RPTOR: variants seen among roughly 807,000 people sequenced by gnomAD.
RPTOR encodes regulatory-associated protein of mTOR.
A neutral mutation model predicts 169.9 loss-of-function variants in RPTOR; 21 were observed. The observed-to-expected ratio is 0.12, with a 90% CI of 0.09 to 0.18. The LOEUF is 0.18. Among genes scored for constraint, RPTOR ranks in the 10% least tolerant of loss-of-function variants. RPTOR has a pLI of 1.00. For missense variants in RPTOR, 1,133 were observed against 1,855.9 expected (o/e 0.61, Z 7.16); for synonymous variants, 732 against 753.2 (o/e 0.97, Z 0.46).
Position 80,730,764 on chromosome 17 carries a change from T to TGG in RPTOR, c.654+61_654+62dup. The stretch of plus-strand genomic sequence containing the variant: ...GGTTTGGTTTTGTTTTCCCTGGGGG[T>TGG]GGGGTTTGGGTGGGGAGGTTGGGAG... On this transcript the variant is annotated intron_variant, in intron 5 of 33. Transcript: ENST00000306801. This position sits in a 1 kb window ranked among gnomAD's most constrained non-coding sequence, Gnocchi z 4.2. The TGG allele has an allele frequency of 4.4e-6, 2 of 453,310 alleles. No homozygotes were observed. Among genetic ancestry groups the TGG allele is most frequent in the African/African-American group, 2.6e-5 (1 of 37,842 alleles). The allele number at this position is 453,310 out of a possible 1,614,324, so 28.1% of individuals were successfully genotyped here.
intron 1 of RPTOR, among the ~76,000 whole-genome samples, chr17:80,568,729 C>T (rs1424154766): frequency 6.6e-6 from 1 of 152,202 alleles, no homozygotes; most frequent in Non-Finnish European, 1.5e-5. Flanking sequence ...GATATTGTCC[C>T]ACTGAGGATC....
intron 11 of RPTOR, among the ~76,000 whole-genome samples, chr17:80,853,815 A>G (rs2672894): frequency 0.55 from 83,626 of 151,980 alleles, 25,048 homozygotes; most frequent in Non-Finnish European, 0.67. Context: ...CGTCTCTACT[A>G]AAAATACAAA....
chr17:80,962,060 C>T (rs1395631172), intron 31 of RPTOR, among the ~76,000 whole-genome samples: 5 of 152,186 alleles, frequency 3.3e-5, no homozygotes, highest in African/African-American at 1.2e-4. Context: ...CCAGGCCATC[C>T]CTCTCTCGGG....
intron 6 of RPTOR, among the ~76,000 whole-genome samples, chr17:80,768,792 C>T (rs1326632031): frequency 6.6e-6 from 1 of 152,170 alleles, no homozygotes; most frequent in Non-Finnish European, 1.5e-5. Flanking sequence ...ATTTTAGTGG[C>T]AGTTTGGCTT....
intron 13 of RPTOR, among the ~76,000 whole-genome samples, chr17:80,874,299 C>A (rs1262517186): frequency 6.6e-6 from 1 of 151,778 alleles, no homozygotes; most frequent in Non-Finnish European, 1.5e-5. Context: ...CGGGTTCAAG[C>A]GATTTTCCTG....
In RPTOR at chr17:80,633,074, C is replaced by T. The variant is rs1008150165; in HGVS notation, c.265+7281C>T. 2.6e-5 allele frequency among the ~76,000 whole-genome samples: 4 copies of T among 152,024 alleles called. No individual in the cohort carries two copies. The highest frequency in any genetic ancestry group is 2.9e-5 in the Non-Finnish European group (2 of 68,006). On this transcript the variant is annotated intron_variant, in intron 2 of 33. Transcript: ENST00000306801. This position sits in a 1 kb window ranked among gnomAD's most constrained non-coding sequence, Gnocchi z 4.1. ...CGGCCTCTTAAAGTGTTGAAATGAC[C>T]GGCATGAGCTACCACACTAGGCCCA... is the stretch of plus-strand genomic sequence containing the variant.
chr17:80,753,884 T>C, intron 5 of RPTOR, 126 bp from the exon 6 acceptor site: 1 of 893,108 alleles, frequency 1.1e-6, no homozygotes, highest in Admixed American at 2.1e-5. Flanking sequence ...TCCAGAGGAC[T>C]TTCCAGTGAA....
At chr17:80,778,275 C>A (rs1358872654) in intron 6 of RPTOR, among the ~76,000 whole-genome samples, 39 of 152,112 alleles carry the variant, frequency 2.6e-4, no homozygotes, top group Admixed American at 2.6e-3. Context: ...AGAAAATTAA[C>A]CTCCTTCAGG....
rs182500090 is a variant in RPTOR, at chr17:80,833,514, G to A, written c.1137-4408G>A. Among the ~76,000 whole-genome samples the A allele has an allele frequency of 2.1e-3, 322 of 152,316 alleles. 3 individuals carry two copies. Among genetic ancestry groups the A allele is most frequent in the African/African-American group, 7.4e-3 (307 of 41,566 alleles). Reference sequence around the variant, plus strand: ...GCCAAACCTCACAGGGCTGGCTGCTGCCGCCGAAGCCCACCACCATGGCCT... The same window carrying A: ...GCCAAACCTCACAGGGCTGGCTGCTACCGCCGAAGCCCACCACCATGGCCT... On this transcript the variant is annotated intron_variant, in intron 9 of 33. Transcript: ENST00000306801.
rs1336399688 is a variant in RPTOR at position 80,651,988 on chromosome 17, G to A, written c.348+8178G>A. ...ACGCCACTGCACTCCAGCCTGGGGC[G>A]ACAGCGTGAGACTCCGTCTCAAAAA... On this transcript the variant is annotated intron_variant, in intron 3 of 33. Transcript: ENST00000306801. The surrounding 1 kb of genome is among the most constrained non-coding windows in gnomAD (Gnocchi z 4.1). Among the ~76,000 whole-genome samples the A allele has an allele frequency of 1.4e-5, 2 of 145,594 alleles. No individual in the cohort carries two copies. Among genetic ancestry groups the A allele is most frequent in the East Asian group, 2.0e-4 (1 of 4,992 alleles).
intron 9 of RPTOR, among the ~76,000 whole-genome samples, chr17:80,824,993 C>CA (rs1406642527): frequency 5.7e-5 from 8 of 140,944 alleles, no homozygotes; most frequent in East Asian, 2.2e-4. Context: ...CGTGGCGAGG[C>CA]CAGCGTGGGG....
At chr17:80,604,776 G>T (rs983455636) in intron 1 of RPTOR, among the ~76,000 whole-genome samples, 1 of 152,146 alleles carries the variant, frequency 6.6e-6, no homozygotes, top group African/African-American at 2.4e-5. Context: ...ATCAGATCTT[G>T]TGAGACTTAT....
chr17:80,913,556 G>A (rs539065546), intron 21 of RPTOR, among the ~76,000 whole-genome samples: 67 of 152,152 alleles, frequency 4.4e-4, no homozygotes, highest in Admixed American at 1.9e-3. Flanking sequence ...GGGCTCAAGC[G>A]ATCCTCCCAC....
At chr17:80,624,945 C>T (rs2065381641) in intron 1 of RPTOR, among the ~76,000 whole-genome samples, 1 of 152,122 alleles carries the variant, frequency 6.6e-6, no homozygotes, top group African/African-American at 2.4e-5. Flanking sequence ...GCTGGCTCCA[C>T]CCCGATGGGG....
intron 24 of RPTOR, among the ~76,000 whole-genome samples, chr17:80,930,135 CCTCAGCTCATCCCCAG>C (rs1467610575): frequency 3.4e-5 from 4 of 116,798 alleles, no homozygotes; most frequent in South Asian, 2.8e-4. Context: ...CCCAGCTGCT[CCTCAGCTCATCCCCAG>C]CTCAGCTCAT....
intron 21 of RPTOR, among the ~76,000 whole-genome samples, chr17:80,918,739 C>G (rs1022704356): frequency 1.3e-5 from 2 of 152,168 alleles, no homozygotes; most frequent in African/African-American, 4.8e-5. Flanking sequence ...CTCCCACCCC[C>G]TAGGGCTGTG....
At chr17:80,656,028 G>GTGTT (rs1314376942) in intron 3 of RPTOR, among the ~76,000 whole-genome samples, 1 of 152,124 alleles carries the variant, frequency 6.6e-6, no homozygotes, top group Admixed American at 6.5e-5. Context: ...GTGTCTTGCT[G>GTGTT]TGTTGACTGA....
intron 15 of RPTOR, 74 bp downstream of exon 15, chr17:80,883,558 G>T: frequency 6.8e-7 from 1 of 1,480,408 alleles, no homozygotes; most frequent in East Asian, 2.3e-5. Context: ...ACTGTGAAAC[G>T]TGGTGCCACA....
At chr17:80,647,236 A>G (rs2065603152) in intron 3 of RPTOR, among the ~76,000 whole-genome samples, 1 of 152,198 alleles carries the variant, frequency 6.6e-6, no homozygotes, top group African/African-American at 2.4e-5. Context: ...ATTACCTTGT[A>G]GGTGTATAAA....
Sources: allele counts gnomAD v4.1 joint callset (sites outside exome capture counted in the v4.1 genomes callset), GRCh38; gene constraint gnomAD v4.1.1; non-coding constraint Gnocchi (gnomAD v3.1); transcripts MANE v1.5; gene names NCBI Gene and HGNC (gene_info 2026-07-23, HGNC 2026-07-21).